The following TSHR variants were observed in gnomAD, a reference collection of about 807,000 sequenced individuals.
TSHR encodes the protein thyroid stimulating hormone receptor.
TSHR carries 51 observed loss-of-function variants against 64.1 expected under a neutral mutation model. The ratio of observed to expected loss-of-function variants is 0.80; its 90% confidence interval spans 0.64 to 1.01. The LOEUF (loss-of-function observed/expected upper bound fraction) is 1.01. Ranked by LOEUF, TSHR falls within the 50% of genes least tolerant of loss-of-function variation. TSHR has a pLI of 0.00. For synonymous variants in TSHR, 361 were observed against 361.9 expected, an observed-to-expected ratio of 1.00 and a Z score of 0.03; for missense variants, 877 against 942.8, an observed-to-expected ratio of 0.93 and a Z score of 0.91.
At chr14:81,129,188 ACCTTAATCTTAAACAT>A (rs1891135671) in intron 8 of TSHR, among the ~76,000 whole-genome samples, 1 of 152,042 alleles carries the variant, frequency 6.6e-6, no homozygotes, top group Non-Finnish European at 1.5e-5. Context: ...AGCCTCCATA[ACCTTAATCTTAAACAT>A]CCTGCTCTCT....
intron 8 of TSHR, among the ~76,000 whole-genome samples, chr14:81,120,797 A>G (rs1212636996): frequency 2.0e-5 from 3 of 152,238 alleles, no homozygotes; most frequent in Non-Finnish European, 2.9e-5. Flanking sequence ...AAGAACCAGA[A>G]GAAAACTTTC....
At chr14:81,074,063 G>GT (rs945647514) in intron 3 of TSHR, among the ~76,000 whole-genome samples, 1 of 152,042 alleles carries the variant, frequency 6.6e-6, no homozygotes, top group Non-Finnish European at 1.5e-5. Context: ...TTATTTATAA[G>GT]TTTTTTTAAG....
intron 1 of TSHR, among the ~76,000 whole-genome samples, chr14:81,006,625 G>C (rs1889618503): frequency 2.6e-5 from 4 of 151,934 alleles, no homozygotes; most frequent in Admixed American, 2.6e-4. Flanking sequence ...CAATTCTCCT[G>C]CCTCAGCCTC....
intron 1 of TSHR, among the ~76,000 whole-genome samples, chr14:81,010,473 A>T (rs1471733150): frequency 6.6e-6 from 1 of 151,730 alleles, no homozygotes; most frequent in Non-Finnish European, 1.5e-5. Flanking sequence ...TAACTATATT[A>T]TAGTTTTTGT....
chr14:80,957,277 T>G (rs1566736121), intron 1 of TSHR, among the ~76,000 whole-genome samples: 2 of 152,102 alleles, frequency 1.3e-5, no homozygotes, highest in Admixed American at 1.3e-4. Flanking sequence ...CTGGGTAAGC[T>G]ATACCCCCCT....
intron 8 of TSHR, among the ~76,000 whole-genome samples, chr14:81,132,868 T>A (rs1314017924): frequency 7.0e-6 from 1 of 143,180 alleles, no homozygotes; most frequent in Non-Finnish European, 1.5e-5. Flanking sequence ...AAAAAAAAAA[T>A]ACTACATGTT....
At chr14:81,088,071 G>A (rs777808333) in intron 4 of TSHR, 43 bp downstream of exon 4, 1 of 1,479,952 alleles carries the variant, frequency 6.8e-7, no homozygotes, top group African/African-American at 1.4e-5. Context: ...CTGGGGGGAG[G>A]GGGTCAGATT....
intron 1 of TSHR, among the ~76,000 whole-genome samples, chr14:81,034,607 T>C (rs901879593): frequency 6.6e-6 from 1 of 152,222 alleles, no homozygotes; most frequent in Non-Finnish European, 1.5e-5. Context: ...CCTAAAGTAG[T>C]ATTCTCAAAT....
intron 2 of TSHR, among the ~76,000 whole-genome samples, chr14:81,067,927 C>CTATATATATATATA (rs10528934): frequency 0.013 from 1,243 of 95,658 alleles, 103 homozygotes; most frequent in African/African-American, 0.066. Flanking sequence ...CAGGGTGACA[C>CTATATATATATATA]TATATATATA....
chr14:81,010,638 C>T (rs888092129), intron 1 of TSHR, among the ~76,000 whole-genome samples: 1 of 152,016 alleles, frequency 6.6e-6, no homozygotes, highest in East Asian at 1.9e-4. Context: ...TTAAAATAAC[C>T]ATTTTTTTCT....
intron 1 of TSHR, chr14:80,983,754 T>C (rs1888295440): frequency 2.7e-6 from 1 of 375,112 alleles, no homozygotes; most frequent in Non-Finnish European, 4.9e-6. Context: ...ACATTGCATC[T>C]TTAACACATA....
chr14:80,957,837 C>G (rs2139676743), intron 1 of TSHR: 1 of 152,290 alleles, frequency 6.6e-6, no homozygotes, highest in South Asian at 2.1e-4. Context: ...TAGGTGCTTT[C>G]TAGGTGATGA....
At position 81,144,094 on chromosome 14, in the gene TSHR, C is replaced by T. The variant is rs747181768; in HGVS notation, c.2036C>T (p.Ala679Val). The T allele has an allele frequency of 4.3e-6, 7 of 1,614,204 alleles. No homozygotes were observed. The South Asian group carries it at 7.7e-5, about 18-fold the overall frequency. Residue 679 changes from alanine to valine, a missense_variant, in exon 10 of 10, where the codon GCT becomes GTT. Ala to Val is a moderately conservative substitution (Grantham distance 64). Coordinates refer to ENST00000298171, the MANE Select transcript of TSHR (RefSeq NM_000369.5). ...TCCTGTGCCAATCCATTCCTCTATG[C>T]TATTTTCACCAAGGCCTTCCAGAGG... ...LNSCANPFLY[A>V]IFTKAFQRDV...
At chr14:81,044,769 A>C (rs1464733405) in intron 1 of TSHR, among the ~76,000 whole-genome samples, 7 of 152,226 alleles carry the variant, frequency 4.6e-5, no homozygotes, top group East Asian at 1.9e-4. Context: ...GCGAGATTGC[A>C]GAGAAAAAAA....
At chr14:81,099,809 CT>C (rs1205116866) in intron 7 of TSHR, among the ~76,000 whole-genome samples, 1 of 152,200 alleles carries the variant, frequency 6.6e-6, no homozygotes. Flanking sequence ...CTCACTCCTC[CT>C]CATGATTGGC....
At chr14:81,040,121 T>C (rs187833020) in intron 1 of TSHR, among the ~76,000 whole-genome samples, 1 of 152,008 alleles carries the variant, frequency 6.6e-6, no homozygotes, top group East Asian at 1.9e-4. Flanking sequence ...AATAGACACA[T>C]AGACCAATGG....
intron 1 of TSHR, among the ~76,000 whole-genome samples, chr14:81,034,722 A>G (rs527837270): frequency 1.3e-4 from 20 of 152,362 alleles, no homozygotes; most frequent in South Asian, 4.1e-4. Flanking sequence ...AAGACCAGAA[A>G]TAGCTTTTTA....
chr14:80,994,440 G>A (rs1888900567), intron 1 of TSHR: 1 of 151,592 alleles, frequency 6.6e-6, no homozygotes. Flanking sequence ...TAAGCAAAAA[G>A]AACAAAGCTG....
At chr14:81,132,990 A>G (rs1273431763) in intron 8 of TSHR, among the ~76,000 whole-genome samples, 1 of 152,208 alleles carries the variant, frequency 6.6e-6, no homozygotes, top group Non-Finnish European at 1.5e-5. Flanking sequence ...ATAACTTAAA[A>G]TGATTCCTGA....
Sources: allele counts gnomAD v4.1 joint callset (sites outside exome capture counted in the v4.1 genomes callset), GRCh38; gene constraint gnomAD v4.1.1; transcripts MANE v1.5; gene names NCBI Gene and HGNC (gene_info 2026-07-23, HGNC 2026-07-21).